The following ZNF514 variants were observed in gnomAD, a reference collection of about 807,000 sequenced individuals.
ZNF514 encodes the protein zinc finger protein 514.
Under a neutral mutation model 9.7 loss-of-function variants are expected in ZNF514, and 12 were observed. The ratio of observed to expected loss-of-function variants is 1.24; its 90% CI spans 0.79 to 2.01. ZNF514 has a LOEUF of 2.01. Among genes scored for constraint, ZNF514 ranks in the 30% most tolerant of loss-of-function variants. The probability of loss-of-function intolerance (pLI) is 0.00; values close to 1 mark genes in which losing one functional copy is unlikely to be tolerated. For missense variants in ZNF514, 467 were observed against 465.5 expected (o/e 1.00, Z -0.03); for synonymous variants, 158 against 163.7 (o/e 0.97, Z 0.27).
At chr2:95,142,437 T>C (rs1177605794), downstream of ZNF514, among the ~76,000 whole-genome samples, 1 of 152,204 alleles carries the variant, frequency 6.6e-6, no homozygotes, top group Admixed American at 6.5e-5. Flanking sequence ...GGGTGATGAA[T>C]TAGTTACTTA....
the ZNF514 span, among the ~76,000 whole-genome samples, chr2:95,139,588 A>C: frequency 1.2e-4 from 16 of 130,754 alleles, no homozygotes; most frequent in Non-Finnish European, 2.4e-4. Context: ...TGTATCTTGA[A>C]AGTAAATAAC....
intron 4 of ZNF514, among the ~76,000 whole-genome samples, chr2:95,151,603 C>T (rs1381698114): frequency 6.6e-6 from 1 of 152,202 alleles, no homozygotes. Flanking sequence ...TACTCTGTTT[C>T]AGCCACAGTG....
At chr2:95,132,867 C>CA in the ZNF514 span, among the ~76,000 whole-genome samples, 1,675 of 66,610 alleles carry the variant, frequency 0.025, 37 homozygotes, top group Non-Finnish European at 0.038. Context: ...GACTCCATCT[C>CA]AAAAAAAAAA....
At chr2:95,150,395 C>A in intron 4 of ZNF514, 128 bp from the exon 5 acceptor site, 3 of 1,027,926 alleles carry the variant, frequency 2.9e-6, no homozygotes, top group Non-Finnish European at 4.1e-6. Context: ...AAGGGACGTA[C>A]AGATTTTTTC....
intron 4 of ZNF514, among the ~76,000 whole-genome samples, chr2:95,150,939 CTCTT>C (rs1161056166): frequency 8.5e-5 from 13 of 152,240 alleles, no homozygotes; most frequent in Non-Finnish European, 1.5e-5. Context: ...TCTCACCACT[CTCTT>C]TCTTTAAGAC....
chr2:95,158,780 C>T (rs1673755863), intron 1 of ZNF514: 1 of 1,230,300 alleles, frequency 8.1e-7, no homozygotes, highest in South Asian at 1.4e-5. Context: ...CCTGCCAGAC[C>T]CAGGAGACTG....
the ZNF514 span, among the ~76,000 whole-genome samples, chr2:95,135,882 C>T: frequency 6.6e-6 from 1 of 151,520 alleles, no homozygotes; most frequent in East Asian, 2.0e-4. Flanking sequence ...CCATCCTGGC[C>T]AACATGGTGA....
chr2:95,125,228 C>CTT, the ZNF514 span, among the ~76,000 whole-genome samples: 30 of 125,152 alleles, frequency 2.4e-4, no homozygotes, highest in Admixed American at 5.0e-4. Flanking sequence ...AATTGCCATC[C>CTT]TTTTTTTTTT....
chr2:95,126,938 G>A, the ZNF514 span, among the ~76,000 whole-genome samples: 2 of 151,584 alleles, frequency 1.3e-5, no homozygotes, highest in Admixed American at 1.3e-4. Context: ...GGGACCTATT[G>A]CGCCCACCGT....
Position 95,147,161 on chromosome 2 carries a change from C to T in ZNF514, c.*2121G>A, listed in dbSNP as rs1336333083. The stretch of plus-strand genomic sequence containing the variant: ...AGGCTTCTCCACCTGAGTTACAGAG[C>T]CAACATGGTAGGAACTTTAAAGCAG... On this transcript the variant is annotated 3_prime_UTR_variant, in exon 5 of 5. Coordinates refer to ENST00000295208, the MANE Select transcript of ZNF514 (RefSeq NM_032788.3). 6.6e-6 allele frequency among the ~76,000 whole-genome samples: 1 copy of T among 152,154 alleles called. No individual in the cohort carries two copies. The highest frequency in any genetic ancestry group is 1.9e-4 in the East Asian group (1 of 5,196).
the ZNF514 span, among the ~76,000 whole-genome samples, chr2:95,134,344 C>A: frequency 6.6e-6 from 1 of 152,134 alleles, no homozygotes; most frequent in African/African-American, 2.4e-5. Flanking sequence ...GCCTCCCTCC[C>A]AGGTGTTTCC....
chr2:95,159,056 C>T, intron 1 of ZNF514, 184 bp downstream of exon 1: 5 of 1,207,086 alleles, frequency 4.1e-6, no homozygotes, highest in Non-Finnish European at 5.3e-6. Context: ...CTGTGGTCCT[C>T]CCGAGGGTTC....
In ZNF514 at chr2:95,146,370, T is replaced by A. The variant is rs1573373232; in HGVS notation, c.*2912A>T. Among the ~76,000 whole-genome samples, 1 of 152,166 alleles carries A rather than the reference T, an allele frequency of 6.6e-6. No individual in the cohort carries two copies. The highest frequency in any genetic ancestry group is 2.4e-5 in the African/African-American group (1 of 41,442). ...ACAAATGGTAAGATATGACTTCATATCAGTTTTCAAGAGAACACCTCTCCA... is the reference window on the plus strand; with the variant it reads ...ACAAATGGTAAGATATGACTTCATAACAGTTTTCAAGAGAACACCTCTCCA... On this transcript the variant is annotated 3_prime_UTR_variant, in exon 5 of 5. Transcript: ENST00000295208.
chr2:95,123,638 GAGA>G, the ZNF514 span, among the ~76,000 whole-genome samples: 12 of 152,336 alleles, frequency 7.9e-5, no homozygotes, highest in East Asian at 2.3e-3. Flanking sequence ...GGTTGAGAGA[GAGA>G]AGATCATGTA....
At chr2:95,154,037 T>C (rs1403589575) in intron 2 of ZNF514, 1 of 152,240 alleles carries the variant, frequency 6.6e-6, no homozygotes. Context: ...AATTCACTAC[T>C]ATAGTGACCT....
At chr2:95,151,084 GA>G (rs1348905402) in intron 4 of ZNF514, among the ~76,000 whole-genome samples, 1 of 152,138 alleles carries the variant, frequency 6.6e-6, no homozygotes, top group East Asian at 1.9e-4. Flanking sequence ...TATATGATAG[GA>G]AGAGAAACTC....
At position 95,153,164 on chromosome 2, in the gene ZNF514, C is replaced by T. The variant is rs189057953; in HGVS notation, c.90G>A (p.Met30Ile). ...TGGCCAAGTTCCTGAAGTTCTCCAG[C>T]ATCACCTCCCTGTAGAGGTCCTTCT... ...PAQKDLYREVMLENFRNLAIL... is the reference protein window; with the variant it reads ...PAQKDLYREVILENFRNLAIL... The change falls in exon 3 of 5, where the codon ATG (methionine) becomes ATA (isoleucine). Residue 30 changes from methionine (M) to isoleucine (I), a missense_variant. Coordinates refer to ENST00000295208, the MANE Select transcript of ZNF514 (RefSeq NM_032788.3). 7.9e-5 allele frequency: 127 copies of T among 1,613,718 alleles called. No individual in the cohort carries two copies. The African/African-American group carries it at 1.4e-3, about 18-fold the overall frequency.
chr2:95,152,862 T>A, intron 3 of ZNF514, 93 bp from the exon 4 acceptor site: 1 of 1,235,552 alleles, frequency 8.1e-7, no homozygotes, highest in South Asian at 1.2e-5. Flanking sequence ...ACTGTAGGCA[T>A]GGAAAGCCTC....
At chr2:95,157,258 C>T (rs1409495799) in intron 2 of ZNF514, 93 bp downstream of exon 2, 19 of 764,584 alleles carry the variant, frequency 2.5e-5, no homozygotes, top group African/African-American at 5.4e-5. Flanking sequence ...TGGGTCAGTT[C>T]CCTTAGTGAA....
Sources: allele counts gnomAD v4.1 joint callset (sites outside exome capture counted in the v4.1 genomes callset), GRCh38; gene constraint gnomAD v4.1.1; transcripts MANE v1.5; gene names NCBI Gene and HGNC (gene_info 2026-07-23, HGNC 2026-07-21).